Variants in ANKRD24 observed in about 807,000 individuals in gnomAD.
ANKRD24 encodes ankyrin repeat domain-containing protein 24.
Under a neutral mutation model 127.8 loss-of-function variants are expected in ANKRD24, and 109 were observed. The ratio of observed to expected loss-of-function variants is 0.85; its 90% confidence interval spans 0.73 to 1.00. The LOEUF (loss-of-function observed/expected upper bound fraction) is 1.00. Among genes scored for constraint, ANKRD24 ranks in the 50% least tolerant of loss-of-function variants. ANKRD24 has a pLI of 0.00. For missense variants in ANKRD24, 1,648 were observed against 1,570.2 expected, an observed-to-expected ratio of 1.05 and a Z score of -0.84; for synonymous variants, 743 against 671.1, an observed-to-expected ratio of 1.11 and a Z score of -1.66.
At chr19:4,216,223 C>T in intron 16 of ANKRD24, 61 bp from the exon 17 acceptor site, 3 of 1,493,734 alleles carry the variant, frequency 2.0e-6, no homozygotes, top group Non-Finnish European at 2.7e-6. Context: ...CACTCCAGCC[C>T]CCCACCTCCT....
chr19:4,216,453 T>C (rs1453015511), intron 17 of ANKRD24, 51 bp downstream of exon 17: 1 of 1,556,226 alleles, frequency 6.4e-7, no homozygotes, highest in African/African-American at 1.4e-5. Context: ...GCTGGTTCCC[T>C]GAGGTCAGGG....
intron 19 of ANKRD24, among the ~76,000 whole-genome samples, chr19:4,222,105 T>C (rs1398655574): frequency 1.3e-5 from 2 of 152,226 alleles, no homozygotes; most frequent in African/African-American, 2.4e-5. Flanking sequence ...TTAAGAACTA[T>C]TGGCCGGGCG....
Position 4,217,823 on chromosome 19 carries a change from T to TGCCTGCG in ANKRD24, c.2671_2677dup (p.Glu893GlyfsTer28). ...GCCGCTGAGGCCCGAGTGGCTGAGCTGCCTGCGGCCTGCGAGGAGGCGCGG... is the reference window on the plus strand; with the variant it reads ...GCCGCTGAGGCCCGAGTGGCTGAGCTGCCTGCGGCCTGCGGCCTGCGAGGAGGCGCGG... On this transcript the variant is annotated frameshift_variant, in exon 18 of 22. Coordinates refer to ENST00000318934, the MANE Select transcript of ANKRD24 (RefSeq NM_001393985.1). LOFTEE classifies it high-confidence loss of function. 7.1e-7 allele frequency: 1 copy of TGCCTGCG among 1,404,170 alleles called. No individual in the cohort carries two copies. The highest frequency in any genetic ancestry group is 3.2e-5 in the East Asian group (1 of 30,960). 87.0% of individuals were successfully genotyped at this position (1,404,170 alleles called of 1,614,324 possible). A position where few individuals can be genotyped will look rare whatever the true frequency, so the allele number is the denominator to read the frequency against.
intron 7 of ANKRD24, 112 bp from the exon 8 acceptor site, chr19:4,207,130 C>T: frequency 1.3e-6 from 1 of 753,980 alleles, no homozygotes; most frequent in Non-Finnish European, 2.3e-6. Context: ...ACTGTGTTGG[C>T]CCAGGTTGGT....
chr19:4,219,794 C>T, intron 19 of ANKRD24, 36 bp downstream of exon 19: 4 of 1,554,812 alleles, frequency 2.6e-6, no homozygotes, highest in East Asian at 2.3e-5. Context: ...GTCAGGGAGG[C>T]ATCCACTCAG....
Position 4,198,563 on chromosome 19 carries a change from G to A in ANKRD24, c.37-1120G>A. On this transcript the variant is annotated intron_variant, in intron 2 of 21. Coordinates refer to ENST00000318934, the MANE Select transcript of ANKRD24 (RefSeq NM_001393985.1). The surrounding 1 kb of genome is among the most constrained non-coding windows in gnomAD (Gnocchi z 6.1). ...GCCCGGGGAGGGGGCGCAGGAGCGG[G>A]CGGGGCGCGGGTACCTCCTCTCCCC... 1 of 504,734 alleles carries A rather than the reference G, an allele frequency of 2.0e-6. No individual in the cohort carries two copies. The highest frequency in any genetic ancestry group is 3.5e-6 in the Non-Finnish European group (1 of 283,724). The allele number at this position is 504,734 out of a possible 1,614,324, so 31.3% of individuals were successfully genotyped here.
chr19:4,205,355 C>T (rs1228125488), intron 7 of ANKRD24, among the ~76,000 whole-genome samples: 1 of 152,238 alleles, frequency 6.6e-6, no homozygotes, highest in African/African-American at 2.4e-5. Flanking sequence ...CTGCCTCAGA[C>T]ATACAGCAGG....
chr19:4,199,035 TGAGGG>T lies in ANKRD24; in HGVS notation c.37-644_37-640del, dbSNP rs1387352498. 6.6e-6 allele frequency among the ~76,000 whole-genome samples: 1 copy of T among 152,100 alleles called. No individual in the cohort carries two copies. Among genetic ancestry groups the T allele is most frequent in the African/African-American group, 2.4e-5 (1 of 41,424 alleles). ...CGTAATGCATTTCAGGCTATAGTGTTGAGGGGAGAAGCCTCGGGATGTTTAGGGGA... is the reference window on the plus strand; with the variant it reads ...CGTAATGCATTTCAGGCTATAGTGTTGAGAAGCCTCGGGATGTTTAGGGGA... On this transcript the variant is annotated intron_variant, in intron 2 of 21. Coordinates refer to ENST00000318934, the MANE Select transcript of ANKRD24 (RefSeq NM_001393985.1). The surrounding 1 kb of genome is among the most constrained non-coding windows in gnomAD (Gnocchi z 5.2).
At chr19:4,223,397 A>ATTTTTTTTTTTTT (rs1446284593) in intron 20 of ANKRD24, among the ~76,000 whole-genome samples, 4 of 54,830 alleles carry the variant, frequency 7.3e-5, no homozygotes, top group African/African-American at 3.1e-4. Context: ...ATATATATAT[A>ATTTTTTTTTTTTT]TATATTTTTT....
In ANKRD24 at chr19:4,222,780, A is replaced by C; in HGVS notation, c.3282A>C (p.Leu1094Phe). The change falls in exon 20 of 22, where the codon TTA becomes TTC. Residue 1094 changes from leucine to phenylalanine, a missense_variant. Transcript: ENST00000318934. ...VEALRDQVKD[L>F]QQQLQEAARD... ...CTCTCCGTGACCAGGTGAAGGATTT[A>C]CAGCAGCAGCTGCAGGTAAGGACTG... 1 of 1,608,956 alleles carries C rather than the reference A, an allele frequency of 6.2e-7. No individual in the cohort carries two copies.
chr19:4,219,104 C>T (rs1213526245), intron 18 of ANKRD24, among the ~76,000 whole-genome samples: 2 of 151,908 alleles, frequency 1.3e-5, no homozygotes, highest in Non-Finnish European at 2.9e-5. Flanking sequence ...TGGACAACAT[C>T]GTGAAACCCC....
Position 4,217,246 on chromosome 19 carries a change from G to A in ANKRD24, c.2086G>A (p.Gly696Arg). Residue 696 changes from glycine (G) to arginine (R), a missense_variant, in exon 18 of 22, where the codon GGG (glycine) becomes AGG (arginine). Physicochemically the swap from Gly to Arg is moderately radical, Grantham distance 125 (BLOSUM62 -2). Transcript: ENST00000318934. Reference protein sequence around the residue: ...GVSATGVENPGVEATVPGISA... With the variant: ...GVSATGVENPRVEATVPGISA... Reference sequence around the variant, plus strand: ...CAGTGCCACAGGTGTGGAGAACCCAGGGGTAGAGGCCACGGTCCCGGGGAT... The same window carrying A: ...CAGTGCCACAGGTGTGGAGAACCCAAGGGTAGAGGCCACGGTCCCGGGGAT... The A allele has an allele frequency of 6.3e-7, 1 of 1,591,484 alleles. No individual in the cohort carries two copies. The highest frequency in any genetic ancestry group is 8.6e-7 in the Non-Finnish European group (1 of 1,168,862).
Position 4,217,325 on chromosome 19 carries a change from A to G in ANKRD24, c.2165A>G (p.Gln722Arg). The G allele has an allele frequency of 6.4e-7, 1 of 1,551,902 alleles. No individual in the cohort carries two copies. Reference sequence around the variant, plus strand: ...GCCGCAGAGGCCTCGGAAAAGCTTCAAGTAGAGCTGGAGACCAGGATCCGT... The same window carrying G: ...GCCGCAGAGGCCTCGGAAAAGCTTCGAGTAGAGCTGGAGACCAGGATCCGT... ...PGAAEASEKL[Q>R]VELETRIRGL... Residue 722 changes from glutamine to arginine, a missense_variant, in exon 18 of 22, where the codon CAA (glutamine) becomes CGA (arginine). Gln to Arg is a conservative substitution (Grantham distance 43). Coordinates refer to ENST00000318934, the MANE Select transcript of ANKRD24 (RefSeq NM_001393985.1).
At chr19:4,213,662 C>CT (rs1034447220) in intron 15 of ANKRD24, among the ~76,000 whole-genome samples, 11 of 151,770 alleles carry the variant, frequency 7.2e-5, no homozygotes, top group Non-Finnish European at 1.6e-4. Context: ...TGGAGTTTCA[C>CT]TCTTGTTGCC....
At position 4,217,943 on chromosome 19, in the gene ANKRD24, A is replaced by G. The variant is rs767648383; in HGVS notation, c.2783A>G (p.Glu928Gly). 4 of 1,505,536 alleles carry G rather than the reference A, an allele frequency of 2.7e-6. No individual in the cohort carries two copies. The highest frequency in any genetic ancestry group is 3.5e-6 in the Non-Finnish European group (4 of 1,134,598). The allele number at this position is 1,505,536 out of a possible 1,614,324, so 93.3% of individuals were successfully genotyped here. ...EHRRLQEEALELRGRAASLEQ... is the reference protein window; with the variant it reads ...EHRRLQEEALGLRGRAASLEQ... ...CGCCGGCTGCAGGAGGAGGCCCTGG[A>G]GCTGCGGGGCCGGGCAGCCAGTCTG... Residue 928 changes from glutamate to glycine, a missense_variant, in exon 18 of 22, where the codon GAG becomes GGG. Transcript: ENST00000318934.
At chr19:4,183,597 A>AT (rs1188996743) in intron 1 of ANKRD24, 2 of 152,972 alleles carry the variant, frequency 1.3e-5, no homozygotes, top group African/African-American at 2.4e-5. Context: ...TTCCTGGAGG[A>AT]GGGGATGTTG....
At chr19:4,212,420 G>A in intron 13 of ANKRD24, 55 bp from the exon 14 acceptor site, 1 of 1,547,738 alleles carries the variant, frequency 6.5e-7, no homozygotes, top group East Asian at 2.4e-5. Flanking sequence ...GCAGGAGGTG[G>A]GGCAGGGAGG....
At chr19:4,216,176 C>T in intron 16 of ANKRD24, 108 bp from the exon 17 acceptor site, 1 of 1,396,568 alleles carries the variant, frequency 7.2e-7, no homozygotes, top group Admixed American at 2.1e-5. Context: ...TTTTTAAATT[C>T]TGCTTGGCTG....
At chr19:4,219,285 CA>C (rs56770537) in intron 18 of ANKRD24, among the ~76,000 whole-genome samples, 4 of 148,250 alleles carry the variant, frequency 2.7e-5, no homozygotes, top group Admixed American at 6.7e-5. Context: ...GACTCTGTCT[CA>C]AAAAAAAACA....
Sources: allele counts gnomAD v4.1 joint callset (sites outside exome capture counted in the v4.1 genomes callset), GRCh38; gene constraint gnomAD v4.1.1; non-coding constraint Gnocchi (gnomAD v3.1); transcripts MANE v1.5; gene names NCBI Gene and HGNC (gene_info 2026-07-23, HGNC 2026-07-21).